The following NRG3 variants were observed in gnomAD, a reference collection of about 807,000 sequenced individuals.
NRG3 encodes the protein pro-neuregulin-3, membrane-bound isoform.
NRG3 carries 31 observed loss-of-function variants against 66.9 expected under a neutral mutation model. That is an observed-to-expected ratio of 0.46 (90% CI 0.35 to 0.63). The LOEUF is 0.63. NRG3 is among the 20% of genes least tolerant of loss of function. NRG3 has a pLI of 0.00. For missense variants in NRG3, 910 were observed against 878.9 expected (o/e 1.04, Z -0.45); for synonymous variants, 393 against 359.4 (o/e 1.09, Z -1.06).
At chr10:82,831,574 G>C (rs993681223) in intron 3 of NRG3, among the ~76,000 whole-genome samples, 16 of 152,108 alleles carry the variant, frequency 1.1e-4, no homozygotes, top group Admixed American at 9.8e-4. Flanking sequence ...CCAACAGTTT[G>C]GGAGGCCGAG....
At chr10:82,235,067 C>A (rs1589420123) in intron 1 of NRG3, among the ~76,000 whole-genome samples, 1 of 152,244 alleles carries the variant, frequency 6.6e-6, no homozygotes, top group Admixed American at 6.5e-5. Context: ...TTCCCAGCAA[C>A]TTGAGTGACA....
chr10:82,021,445 G>T (rs2062055673), intron 1 of NRG3, among the ~76,000 whole-genome samples: 2 of 152,110 alleles, frequency 1.3e-5, no homozygotes. Flanking sequence ...AAATCAAGTA[G>T]AGAGCTGGTT....
chr10:82,290,370 A>G (rs1383087676), intron 1 of NRG3, among the ~76,000 whole-genome samples: 2 of 152,204 alleles, frequency 1.3e-5, no homozygotes, highest in Non-Finnish European at 2.9e-5. Context: ...TGTATGTTTT[A>G]GTAATCATGA....
intron 2 of NRG3, among the ~76,000 whole-genome samples, chr10:82,590,613 G>A (rs182534803): frequency 1.3e-5 from 2 of 152,224 alleles, no homozygotes; most frequent in African/African-American, 2.4e-5. Flanking sequence ...TTACCCATAA[G>A]ATTTATATAG....
intron 2 of NRG3, among the ~76,000 whole-genome samples, chr10:82,434,671 T>C (rs917444085): frequency 1.3e-5 from 2 of 152,232 alleles, no homozygotes; most frequent in Non-Finnish European, 2.9e-5. Context: ...TGTTGAATTT[T>C]ATCAGAGGCT....
intron 1 of NRG3, among the ~76,000 whole-genome samples, chr10:81,881,902 A>G (rs555217533): frequency 1.1e-4 from 16 of 152,204 alleles, no homozygotes; most frequent in African/African-American, 3.6e-4. Context: ...TTATAAATAC[A>G]ATAATAAACC....
At chr10:82,217,415 G>A (rs1195123661) in intron 1 of NRG3, among the ~76,000 whole-genome samples, 2 of 152,134 alleles carry the variant, frequency 1.3e-5, no homozygotes, top group African/African-American at 4.8e-5. Context: ...CTCCCTCCCA[G>A]ACTTTCTAAA....
Position 82,140,661 on chromosome 10 carries a change from G to A in NRG3, c.824-218078G>A, listed in dbSNP as rs189185578. ...GCTAGATGATCGCTTGAGCCCAGGA[G>A]TTGAAGACTGCAGTGAACTCTGATT... is the stretch of plus-strand genomic sequence containing the variant. On this transcript the variant is annotated intron_variant, in intron 1 of 8. Transcript: ENST00000372141. Among the ~76,000 whole-genome samples, 346 of 152,152 alleles carry A rather than the reference G, an allele frequency of 2.3e-3. 1 individual carries two copies. Among genetic ancestry groups the A allele is most frequent in the African/African-American group, 7.1e-3 (294 of 41,520 alleles).
intron 2 of NRG3, among the ~76,000 whole-genome samples, chr10:82,578,100 G>A (rs2046139591): frequency 6.6e-6 from 1 of 151,264 alleles, no homozygotes; most frequent in South Asian, 2.1e-4. Flanking sequence ...ATGGTGATCA[G>A]GGCTGCAGTC....
intron 3 of NRG3, among the ~76,000 whole-genome samples, chr10:82,817,831 A>G (rs540774292): frequency 6.6e-6 from 1 of 152,356 alleles, no homozygotes; most frequent in Admixed American, 6.5e-5. Context: ...AATGCACAGA[A>G]TAATGTGGCT....
chr10:82,808,211 G>A (rs967105720), intron 3 of NRG3, among the ~76,000 whole-genome samples: 10 of 139,950 alleles, frequency 7.1e-5, no homozygotes, highest in Admixed American at 4.2e-4. Flanking sequence ...AAAAAAAAAA[G>A]CACAGTAGTC....
intron 1 of NRG3, among the ~76,000 whole-genome samples, chr10:82,216,625 T>C (rs1268553463): frequency 6.8e-6 from 1 of 146,476 alleles, no homozygotes; most frequent in East Asian, 2.0e-4. Flanking sequence ...TATATATATA[T>C]ACCCTTGTGC....
At chr10:82,784,451 C>T (rs1002223099) in intron 3 of NRG3, among the ~76,000 whole-genome samples, 2 of 152,062 alleles carry the variant, frequency 1.3e-5, no homozygotes, top group East Asian at 3.9e-4. Context: ...ATTTTTGCAA[C>T]CTACTCATCT....
chr10:82,261,244 T>C (rs1456419900), intron 1 of NRG3, among the ~76,000 whole-genome samples: 5 of 152,152 alleles, frequency 3.3e-5, no homozygotes, highest in Non-Finnish European at 7.4e-5. Context: ...TGAGATCTGA[T>C]GGTTTTATAA....
At chr10:81,908,404 T>C (rs1183208033) in intron 1 of NRG3, among the ~76,000 whole-genome samples, 2 of 152,168 alleles carry the variant, frequency 1.3e-5, no homozygotes, top group African/African-American at 4.8e-5. Flanking sequence ...TCTATACCTT[T>C]CATATATTGC....
intron 1 of NRG3, chr10:81,889,430 A>T (rs1842855763): frequency 6.6e-6 from 1 of 152,166 alleles, no homozygotes; most frequent in South Asian, 2.1e-4. Flanking sequence ...CCTGTCATGG[A>T]CTGGAGAACT....
At chr10:82,143,258 G>A (rs113152824) in intron 1 of NRG3, among the ~76,000 whole-genome samples, 4 of 152,212 alleles carry the variant, frequency 2.6e-5, no homozygotes, top group African/African-American at 4.8e-5. Context: ...GGCAGGGGGC[G>A]GAGACTAAAT....
At chr10:82,063,485 A>G (rs559224285) in intron 1 of NRG3, among the ~76,000 whole-genome samples, 2 of 148,210 alleles carry the variant, frequency 1.3e-5, no homozygotes, top group South Asian at 2.1e-4. Context: ...GAGACAATCA[A>G]TATATTTTTT....
intron 6 of NRG3, among the ~76,000 whole-genome samples, chr10:82,963,905 A>G (rs1027411536): frequency 7.9e-5 from 12 of 152,162 alleles, no homozygotes; most frequent in Non-Finnish European, 1.0e-4. Context: ...TATAGCTCAC[A>G]CTGCTCTGAG....
Sources: gnomAD v4.1 joint callset for allele counts (sites outside exome capture counted in the v4.1 genomes callset) on GRCh38, gnomAD v4.1.1 for gene constraint, MANE v1.5 for transcripts, NCBI Gene and HGNC (gene_info 2026-07-23, HGNC 2026-07-21) for gene names.